The following FHIT variants were observed in gnomAD, a reference collection of about 807,000 sequenced individuals.
FHIT encodes bis(5'-adenosyl)-triphosphatase.
In FHIT, 19 loss-of-function variants were observed where a neutral mutation model predicts 17.9. The observed-to-expected ratio is 1.06, with a 90% CI of 0.74 to 1.56. The LOEUF is 1.56. FHIT is among the 40% of genes most tolerant of loss of function. The pLI is 0.00. For missense variants in FHIT, 248 were observed against 189.2 expected, an observed-to-expected ratio of 1.31 and a Z score of -1.82; for synonymous variants, 81 against 69.7, an observed-to-expected ratio of 1.16 and a Z score of -0.81.
chr3:60,546,226 G>A (rs188826496), intron 4 of FHIT, among the ~76,000 whole-genome samples: 28 of 151,836 alleles, frequency 1.8e-4, no homozygotes, highest in African/African-American at 2.4e-4. Context: ...TTATCTTTTC[G>A]TTTGTTTCAC....
intron 5 of FHIT, among the ~76,000 whole-genome samples, chr3:60,472,369 A>ATTTTTTTT (rs370195823): frequency 7.4e-6 from 1 of 134,564 alleles, no homozygotes. Flanking sequence ...ACAATGCTGT[A>ATTTTTTTT]TTTTTTTTTT....
intron 5 of FHIT, among the ~76,000 whole-genome samples, chr3:60,201,731 C>A (rs561594312): frequency 1.3e-5 from 2 of 151,862 alleles, no homozygotes; most frequent in East Asian, 3.9e-4. Context: ...TTTTTTTAAA[C>A]AGTCAATACT....
At chr3:59,925,251 A>G (rs1460038973) in intron 7 of FHIT, among the ~76,000 whole-genome samples, 2 of 151,970 alleles carry the variant, frequency 1.3e-5, no homozygotes, top group Admixed American at 6.6e-5. Context: ...CTACAGGTGC[A>G]TGCTACCACA....
At chr3:60,266,378 G>A (rs1298989372) in intron 5 of FHIT, among the ~76,000 whole-genome samples, 1 of 151,972 alleles carries the variant, frequency 6.6e-6, no homozygotes, top group African/African-American at 2.4e-5. Context: ...GAATCATAAT[G>A]CCCAGGGCCG....
intron 5 of FHIT, among the ~76,000 whole-genome samples, chr3:60,461,450 A>ATATGTCGT (rs1553778149): frequency 6.6e-6 from 1 of 151,266 alleles, no homozygotes; most frequent in Non-Finnish European, 1.5e-5. Context: ...TAATAAAACA[A>ATATGTCGT]TATGTCATCT....
chr3:59,953,617 T>C lies in FHIT; in HGVS notation c.280-31203A>G, dbSNP rs558700375. On this transcript the variant is annotated intron_variant, in intron 7 of 9. Transcript: ENST00000492590. The stretch of plus-strand genomic sequence containing the variant: ...CTCCAACATATACAATGAAAGAGTA[T>C]TGAGCTGCCATAGATAAATTAAGTA... Among the ~76,000 whole-genome samples, 791 of 152,300 alleles carry C rather than the reference T, an allele frequency of 5.2e-3. 5 individuals are homozygous for C. The highest frequency in any genetic ancestry group is 7.8e-3 in the Non-Finnish European group (532 of 68,028).
intron 2 of FHIT, among the ~76,000 whole-genome samples, chr3:61,181,173 A>T (rs2038329091): frequency 6.6e-6 from 1 of 152,208 alleles, no homozygotes; most frequent in South Asian, 2.1e-4. Context: ...TTGTCAACGG[A>T]AAGAAGAATT....
intron 3 of FHIT, among the ~76,000 whole-genome samples, chr3:60,919,978 G>C (rs1162176682): frequency 6.6e-6 from 1 of 151,446 alleles, no homozygotes; most frequent in Non-Finnish European, 1.5e-5. Flanking sequence ...AGGTTGCAGT[G>C]AGCCGAGATT....
At chr3:60,249,408 T>C (rs886237108) in intron 5 of FHIT, among the ~76,000 whole-genome samples, 5 of 152,122 alleles carry the variant, frequency 3.3e-5, no homozygotes, top group Admixed American at 2.6e-4. Flanking sequence ...GGAGGCTGAC[T>C]CCATCACTTG....
At chr3:60,602,884 A>T (rs1553669322) in intron 4 of FHIT, among the ~76,000 whole-genome samples, 1 of 152,120 alleles carries the variant, frequency 6.6e-6, no homozygotes, top group Admixed American at 6.6e-5. Context: ...GCAAGAAAGT[A>T]CCATCTACTC....
At chr3:60,268,118 C>G (rs1706679147) in intron 5 of FHIT, among the ~76,000 whole-genome samples, 1 of 152,098 alleles carries the variant, frequency 6.6e-6, no homozygotes, top group Non-Finnish European at 1.5e-5. Flanking sequence ...TCTAAATGGG[C>G]AAACAAGGTA....
intron 2 of FHIT, among the ~76,000 whole-genome samples, chr3:61,183,509 C>T (rs186356116): frequency 6.6e-6 from 1 of 152,194 alleles, no homozygotes; most frequent in Non-Finnish European, 1.5e-5. Flanking sequence ...TTGCTGCACT[C>T]TCTCTCTTAA....
Position 59,870,691 on chromosome 3 carries a change from A to G in FHIT, c.348+51655T>C, listed in dbSNP as rs72872922. On this transcript the variant is annotated intron_variant, in intron 8 of 9. Coordinates refer to ENST00000492590, the MANE Select transcript of FHIT (RefSeq NM_002012.4). ...AGGTACCATGCATGTGTCAAAAATC[A>G]AAACCAGGGAGCCCAGCCTCTAATA... Among the ~76,000 whole-genome samples the G allele has an allele frequency of 7.6e-3, 1,160 of 152,316 alleles. 8 individuals carry two copies. Among genetic ancestry groups the G allele is most frequent in the African/African-American group, 0.024 (1,015 of 41,564 alleles).
chr3:60,374,192 CCTAA>C (rs1427030945), intron 5 of FHIT, among the ~76,000 whole-genome samples: 6 of 152,010 alleles, frequency 3.9e-5, no homozygotes, highest in East Asian at 1.9e-4. Context: ...CTTTTAGGAA[CCTAA>C]CTAAAGGAGA....
chr3:61,138,445 T>G (rs966674789), intron 2 of FHIT, among the ~76,000 whole-genome samples: 1 of 152,206 alleles, frequency 6.6e-6, no homozygotes, highest in Non-Finnish European at 1.5e-5. Flanking sequence ...CTGCCTAGGA[T>G]TACAGCTGGG....
intron 3 of FHIT, among the ~76,000 whole-genome samples, chr3:60,826,700 C>T (rs948685970): frequency 6.6e-6 from 1 of 152,144 alleles, no homozygotes; most frequent in Non-Finnish European, 1.5e-5. Context: ...GAGCTCTCTG[C>T]CAGGGGAACA....
intron 8 of FHIT, among the ~76,000 whole-genome samples, chr3:59,770,365 G>A (rs769558787): frequency 1.3e-5 from 2 of 152,220 alleles, no homozygotes; most frequent in African/African-American, 2.4e-5. Context: ...CAGGTTAAAA[G>A]AAGGGCATTA....
chr3:60,316,894 T>C (rs1004676944), intron 5 of FHIT, among the ~76,000 whole-genome samples: 4 of 152,210 alleles, frequency 2.6e-5, no homozygotes, highest in Non-Finnish European at 5.9e-5. Flanking sequence ...TTGGATTACC[T>C]GCAGAGCTTG....
chr3:59,763,795 C>G (rs964906249), intron 8 of FHIT, among the ~76,000 whole-genome samples: 1 of 152,254 alleles, frequency 6.6e-6, no homozygotes, highest in South Asian at 2.1e-4. Flanking sequence ...GGTCTGTGCA[C>G]TGGCTGAAGG....
Sources: gnomAD v4.1 joint callset for allele counts (sites outside exome capture counted in the v4.1 genomes callset) on GRCh38, gnomAD v4.1.1 for gene constraint, MANE v1.5 for transcripts, NCBI Gene and HGNC (gene_info 2026-07-23, HGNC 2026-07-21) for gene names.